Variants in CCDC88C observed in about 807,000 individuals in gnomAD.
CCDC88C encodes coiled-coil and HOOK domain protein 88C.
Under a neutral mutation model 198.8 loss-of-function variants are expected in CCDC88C, and 131 were observed. That is an observed-to-expected ratio of 0.66 (90% CI 0.57 to 0.76). The LOEUF is 0.76. CCDC88C is among the 30% of genes least tolerant of loss of function. The pLI, the probability that CCDC88C is intolerant of heterozygous loss-of-function variation, is 0.00. For missense variants in CCDC88C, 2,553 were observed against 2,631.6 expected, an observed-to-expected ratio of 0.97 and a Z score of 0.65; for synonymous variants, 1,166 against 1,114.7, an observed-to-expected ratio of 1.05 and a Z score of -0.92.
intron 3 of CCDC88C, among the ~76,000 whole-genome samples, chr14:91,403,413 C>A (rs1371774023): frequency 6.6e-6 from 1 of 152,184 alleles, no homozygotes; most frequent in African/African-American, 2.4e-5. Context: ...CCTTTCCAGA[C>A]AAGGCGCCGG....
chr14:91,345,192 T>A (rs28532977), intron 4 of CCDC88C, among the ~76,000 whole-genome samples: 1,140 of 86,654 alleles, frequency 0.013, 5 homozygotes, highest in South Asian at 0.036. Context: ...ATATATATAT[T>A]TTTTTTTTTT....
chr14:91,314,294 C>T (rs1182477820), intron 14 of CCDC88C, 144 bp from the exon 15 acceptor site: 1 of 652,692 alleles, frequency 1.5e-6, no homozygotes, highest in Non-Finnish European at 2.6e-6. Flanking sequence ...TCCCCAGAGG[C>T]TTGACAGACA....
rs61183857 is a variant in CCDC88C at position 91,318,917 on chromosome 14, C to CAAAAAAA, written c.1527+2196_1527+2202dup. ...CTGGACAACAGAGCGAGACTCCGTC[C>CAAAAAAA]AAAAAAAAAAAAAAAAAAAAAGAAC... On this transcript the variant is annotated intron_variant, in intron 13 of 29. Coordinates refer to ENST00000389857, the MANE Select transcript of CCDC88C (RefSeq NM_001080414.4). Among the ~76,000 whole-genome samples, 31 of 105,224 alleles carry CAAAAAAA rather than the reference C, an allele frequency of 2.9e-4. 6 individuals carry two copies. Among genetic ancestry groups the CAAAAAAA allele is most frequent in the East Asian group, 3.5e-4 (1 of 2,898 alleles). 69.0% of individuals were successfully genotyped at this position (105,224 alleles called of 152,430 possible).
intron 2 of CCDC88C, among the ~76,000 whole-genome samples, chr14:91,414,329 G>A (rs1007489738): frequency 5.9e-5 from 9 of 152,296 alleles, no homozygotes; most frequent in Middle Eastern, 3.4e-3. Context: ...GGCACTGAGC[G>A]ACATGCCCAG....
chr14:91,369,988 A>T (rs1894717205), intron 3 of CCDC88C, among the ~76,000 whole-genome samples: 1 of 152,360 alleles, frequency 6.6e-6, no homozygotes, highest in African/African-American at 2.4e-5. Context: ...TTGTGGCTGC[A>T]TTCACAGAAA....
intron 4 of CCDC88C, among the ~76,000 whole-genome samples, chr14:91,346,084 A>G (rs1268452510): frequency 1.3e-5 from 2 of 152,234 alleles, no homozygotes; most frequent in African/African-American, 4.8e-5. Flanking sequence ...CCGGGATGAA[A>G]AAACCAAACC....
At chr14:91,332,477 T>A (rs1289583608) in intron 10 of CCDC88C, among the ~76,000 whole-genome samples, 1 of 152,248 alleles carries the variant, frequency 6.6e-6, no homozygotes. Flanking sequence ...GTGTTCCATG[T>A]TTTTGTAACC....
At chr14:91,416,874 G>A (rs1420960477) in intron 1 of CCDC88C, 36 bp from the exon 2 acceptor site, 8 of 1,470,484 alleles carry the variant, frequency 5.4e-6, no homozygotes, top group Middle Eastern at 1.7e-4. Flanking sequence ...AAGACAGGAA[G>A]TCACCCCGTG....
intron 2 of CCDC88C, among the ~76,000 whole-genome samples, chr14:91,415,662 G>T (rs1887006833): frequency 6.6e-6 from 1 of 151,842 alleles, no homozygotes; most frequent in Non-Finnish European, 1.5e-5. Context: ...GGAGGTTGTG[G>T]TGAGCTGAGA....
At chr14:91,366,511 GAAAC>G (rs140008457) in intron 3 of CCDC88C, among the ~76,000 whole-genome samples, 48 of 151,898 alleles carry the variant, frequency 3.2e-4, no homozygotes, top group Admixed American at 1.6e-3. Context: ...AAAAAAACAA[GAAAC>G]AAACAAACAA....
chr14:91,331,923 G>A (rs1892848143), intron 10 of CCDC88C, among the ~76,000 whole-genome samples: 1 of 152,020 alleles, frequency 6.6e-6, no homozygotes, highest in Non-Finnish European at 1.5e-5. Flanking sequence ...TCTGCCTCTG[G>A]GTGTAGACTG....
intron 4 of CCDC88C, among the ~76,000 whole-genome samples, chr14:91,349,356 G>C (rs1195997867): frequency 6.6e-6 from 1 of 152,222 alleles, no homozygotes; most frequent in East Asian, 1.9e-4. Context: ...GGCAAGTGTG[G>C]GCTTTCCAGG....
intron 2 of CCDC88C, among the ~76,000 whole-genome samples, chr14:91,415,214 G>A (rs894862801): frequency 2.6e-5 from 4 of 152,062 alleles, no homozygotes; most frequent in Non-Finnish European, 5.9e-5. Context: ...GCCAGAACTC[G>A]AATATGCCAC....
intron 23 of CCDC88C, among the ~76,000 whole-genome samples, chr14:91,292,577 C>G (rs1890708261): frequency 6.6e-6 from 1 of 152,146 alleles, no homozygotes; most frequent in African/African-American, 2.4e-5. Flanking sequence ...AACAAAGGAG[C>G]ATCGTTACAT....
chr14:91,367,570 G>A (rs757572234), intron 3 of CCDC88C, among the ~76,000 whole-genome samples: 3 of 152,114 alleles, frequency 2.0e-5, no homozygotes, highest in African/African-American at 2.4e-5. Context: ...ACCTTGCAGC[G>A]AGCAGAGAAC....
At chr14:91,382,149 T>C (rs551565293) in intron 3 of CCDC88C, among the ~76,000 whole-genome samples, 2 of 152,302 alleles carry the variant, frequency 1.3e-5, no homozygotes, top group Admixed American at 6.5e-5. Context: ...AGATGAGAGA[T>C]AGCAAACACT....
intron 18 of CCDC88C, among the ~76,000 whole-genome samples, 197 bp downstream of exon 18, chr14:91,306,841 G>A (rs1398722012): frequency 6.6e-6 from 1 of 152,216 alleles, no homozygotes; most frequent in African/African-American, 2.4e-5. Context: ...GGCTGTGTGT[G>A]CCCCTGATGT....
Position 91,409,645 on chromosome 14 carries a change from G to A in CCDC88C, c.162-878C>T, listed in dbSNP as rs952468439. Among the ~76,000 whole-genome samples, 12 of 151,426 alleles carry A rather than the reference G, an allele frequency of 7.9e-5. 1 individual carries two copies. The highest frequency in any genetic ancestry group is 2.9e-4 in the African/African-American group (12 of 41,106). On this transcript the variant is annotated intron_variant, in intron 2 of 29. Transcript: ENST00000389857. Reference sequence around the variant, plus strand: ...TGGGATTATAGGTGCATGCCACCACGCCCAGCTAATTTTTGTATTTTTAGT... The same window carrying A: ...TGGGATTATAGGTGCATGCCACCACACCCAGCTAATTTTTGTATTTTTAGT...
intron 1 of CCDC88C, 97 bp from the exon 2 acceptor site, chr14:91,416,935 G>C: frequency 1.2e-6 from 1 of 821,288 alleles, no homozygotes; most frequent in Admixed American, 2.1e-5. Flanking sequence ...GGGTCAGTGT[G>C]AGCAGAAGGG....
Sources: allele counts gnomAD v4.1 joint callset (sites outside exome capture counted in the v4.1 genomes callset), GRCh38; gene constraint gnomAD v4.1.1; transcripts MANE v1.5; gene names NCBI Gene and HGNC (gene_info 2026-07-23, HGNC 2026-07-21).